The following ALK variants were observed in gnomAD, a reference collection of about 807,000 sequenced individuals.
The protein encoded by ALK is ALK receptor tyrosine kinase.
ALK carries 74 observed loss-of-function variants against 163.1 expected under a neutral mutation model. The ratio of observed to expected loss-of-function variants is 0.45; its 90% CI spans 0.38 to 0.55. The LOEUF (loss-of-function observed/expected upper bound fraction) is 0.55. Among genes scored for constraint, ALK ranks in the 20% least tolerant of loss-of-function variants. ALK has a pLI of 0.00. For missense variants in ALK, 2,063 were observed against 2,105.3 expected, an observed-to-expected ratio of 0.98 and a Z score of 0.39; for synonymous variants, 960 against 843.2, an observed-to-expected ratio of 1.14 and a Z score of -2.40.
intron 4 of ALK, among the ~76,000 whole-genome samples, chr2:29,397,460 A>G (rs1038556789): frequency 2.0e-5 from 3 of 152,204 alleles, no homozygotes; most frequent in African/African-American, 4.8e-5. Flanking sequence ...CTGTGAGACA[A>G]TGAAGTTCTG....
intron 1 of ALK, among the ~76,000 whole-genome samples, chr2:29,819,577 G>A (rs1664989509): frequency 6.6e-6 from 1 of 152,314 alleles, no homozygotes; most frequent in Admixed American, 6.5e-5. Context: ...ATTCTCCCAT[G>A]GTGTAGAGTA....
chr2:29,683,832 G>A (rs1272172410), intron 3 of ALK, among the ~76,000 whole-genome samples: 1 of 152,168 alleles, frequency 6.6e-6, no homozygotes, highest in Non-Finnish European at 1.5e-5. Context: ...CTGGTTGACT[G>A]CTGTCAGGCA....
intron 3 of ALK, among the ~76,000 whole-genome samples, chr2:29,579,668 C>T (rs1046351035): frequency 4.6e-5 from 7 of 152,182 alleles, no homozygotes; most frequent in Admixed American, 2.0e-4. Flanking sequence ...GCACCCACTA[C>T]ATGCCAGATT....
At chr2:29,907,686 A>T (rs567983166) in intron 1 of ALK, among the ~76,000 whole-genome samples, 1 of 152,216 alleles carries the variant, frequency 6.6e-6, no homozygotes, top group South Asian at 2.1e-4. Context: ...CGTCCTCTGG[A>T]AAACTCATCT....
In ALK at chr2:29,792,768, C is replaced by T. The variant is rs1664218857; in HGVS notation, c.668-75071G>A. Among the ~76,000 whole-genome samples the T allele has an allele frequency of 2.0e-5, 3 of 149,816 alleles. No individual in the cohort carries two copies. The East Asian group carries it at 6.0e-4, about 30-fold the overall frequency. On this transcript the variant is annotated intron_variant, in intron 1 of 28. Coordinates refer to ENST00000389048, the MANE Select transcript of ALK (RefSeq NM_004304.5). ...AAGTTATGCTTACACTACACTTAGA[C>T]TATTAAGTATGCAATAGCATAATCT...
chr2:29,394,565 C>G (rs184606496), intron 4 of ALK, among the ~76,000 whole-genome samples: 2 of 152,246 alleles, frequency 1.3e-5, no homozygotes, highest in Admixed American at 6.5e-5. Context: ...TGCTGGCATT[C>G]CAGGAATCAC....
intron 4 of ALK, among the ~76,000 whole-genome samples, chr2:29,437,827 G>C (rs1670440732): frequency 6.6e-6 from 1 of 152,164 alleles, no homozygotes; most frequent in Non-Finnish European, 1.5e-5. Context: ...TTTAACTATA[G>C]ATTATCTTTG....
At chr2:29,773,078 T>C (rs1681070170) in intron 1 of ALK, among the ~76,000 whole-genome samples, 1 of 152,252 alleles carries the variant, frequency 6.6e-6, no homozygotes. Context: ...TACTCATTTG[T>C]TAATTACAAC....
chr2:29,627,176 G>A lies in ALK; in HGVS notation c.952+67674C>T, dbSNP rs191895444. Among the ~76,000 whole-genome samples, 375 of 152,262 alleles carry A rather than the reference G, an allele frequency of 2.5e-3. 1 individual carries two copies. The highest frequency in any genetic ancestry group is 5.2e-3 in the Admixed American group (80 of 15,302). ...GACACTCTCCGGAAGGCAGACAGCC[G>A]CATTTTCTAGACCACCACGGTTCTG... On this transcript the variant is annotated intron_variant, in intron 3 of 28. Transcript: ENST00000389048.
At chr2:29,771,186 C>T (rs867574549) in intron 1 of ALK, among the ~76,000 whole-genome samples, 2 of 151,946 alleles carry the variant, frequency 1.3e-5, no homozygotes, top group Non-Finnish European at 2.9e-5. Flanking sequence ...TATATGCACA[C>T]GTACACAAAT....
At chr2:29,403,147 T>C (rs1046677177) in intron 4 of ALK, among the ~76,000 whole-genome samples, 1 of 152,212 alleles carries the variant, frequency 6.6e-6, no homozygotes, top group African/African-American at 2.4e-5. Context: ...TCTAGCACCG[T>C]ACCTAGAAGG....
intron 3 of ALK, among the ~76,000 whole-genome samples, chr2:29,635,958 C>T (rs1300048160): frequency 6.6e-6 from 1 of 152,004 alleles, no homozygotes; most frequent in Admixed American, 6.6e-5. Context: ...AATGACCAAG[C>T]TTGTGGTCAT....
chr2:29,833,602 G>A (rs1311598301), intron 1 of ALK, among the ~76,000 whole-genome samples: 1 of 152,206 alleles, frequency 6.6e-6, no homozygotes, highest in African/African-American at 2.4e-5. Context: ...GCCAGGCACT[G>A]GGCACATGCT....
intron 3 of ALK, among the ~76,000 whole-genome samples, chr2:29,671,402 G>A (rs1677683850): frequency 6.6e-6 from 1 of 152,070 alleles, no homozygotes; most frequent in Admixed American, 6.6e-5. Context: ...CTTTGGCTGA[G>A]TTACAGAGTA....
chr2:29,371,586 G>A (rs145759159), intron 5 of ALK, among the ~76,000 whole-genome samples: 1 of 152,294 alleles, frequency 6.6e-6, no homozygotes, highest in Non-Finnish European at 1.5e-5. Context: ...GATCAATTCT[G>A]TCCTTGGGGA....
chr2:29,670,718 G>A (rs1449454846), intron 3 of ALK, among the ~76,000 whole-genome samples: 1 of 151,898 alleles, frequency 6.6e-6, no homozygotes, highest in Non-Finnish European at 1.5e-5. Flanking sequence ...CTTTGACTGT[G>A]TATTTTCATA....
chr2:29,579,614 G>T (rs995004914), intron 3 of ALK, among the ~76,000 whole-genome samples: 5 of 152,126 alleles, frequency 3.3e-5, no homozygotes, highest in Admixed American at 2.6e-4. Flanking sequence ...TACGCTCTGG[G>T]AACTAACTCA....
chr2:29,224,300 C>A (rs1045023663), intron 19 of ALK, among the ~76,000 whole-genome samples: 10 of 152,284 alleles, frequency 6.6e-5, no homozygotes, highest in African/African-American at 2.4e-4. Context: ...CAAGCTGAGC[C>A]ATGAGGACCA....
chr2:29,211,715 A>G (rs888354844), intron 24 of ALK, among the ~76,000 whole-genome samples: 2 of 152,222 alleles, frequency 1.3e-5, no homozygotes, highest in Non-Finnish European at 2.9e-5. Flanking sequence ...CAGACCTCTT[A>G]GCTAGTTAGA....
Sources: allele counts gnomAD v4.1 joint callset (sites outside exome capture counted in the v4.1 genomes callset), GRCh38; gene constraint gnomAD v4.1.1; transcripts MANE v1.5; gene names NCBI Gene and HGNC (gene_info 2026-07-23, HGNC 2026-07-21).